Variants in LSR observed in about 807,000 individuals in gnomAD.
The protein encoded by LSR is lipolysis-stimulated lipoprotein receptor.
LSR carries 44 observed loss-of-function variants against 61.8 expected under a neutral mutation model. The observed-to-expected ratio is 0.71, with a 90% confidence interval of 0.56 to 0.91. The LOEUF is 0.91. Ranked by LOEUF, LSR falls within the 40% of genes least tolerant of loss-of-function variation. The probability of loss-of-function intolerance (pLI) is 0.00; values close to 1 mark genes in which losing one functional copy is unlikely to be tolerated. For synonymous variants in LSR, 397 were observed against 350.6 expected, an observed-to-expected ratio of 1.13 and a Z score of -1.48; for missense variants, 911 against 830.5, an observed-to-expected ratio of 1.10 and a Z score of -1.19.
intron 2 of LSR, among the ~76,000 whole-genome samples, chr19:35,252,604 G>A (rs1244151299): frequency 3.6e-5 from 5 of 138,376 alleles, no homozygotes; most frequent in South Asian, 2.5e-4. Flanking sequence ...AGCTGAGATC[G>A]CACCACTGTA....
rs758912303 is a variant in LSR, at chr19:35,266,540, C to G, written c.952+8C>G. The G allele has an allele frequency of 6.3e-7, 1 of 1,598,258 alleles. No homozygotes were observed. The highest frequency in any genetic ancestry group is 1.3e-5 in the African/African-American group (1 of 74,706). On this transcript the variant is annotated splice_region_variant and intron_variant, in intron 6 of 9. Transcript: ENST00000605618. ...TTGACAGGAGTAGCTCAGGTGAGGC[C>G]GGGGGAAGCAGGAACAGCTGGTGGG...
chr19:35,250,290 T>C, intron 1 of LSR, 25 bp from the exon 2 acceptor site: 1 of 1,490,130 alleles, frequency 6.7e-7, no homozygotes, highest in Non-Finnish European at 9.0e-7. Context: ...ACAGCAACCC[T>C]TGCTGTCTCT....
At position 35,249,003 on chromosome 19, in the gene LSR, G is replaced by T; in HGVS notation, c.-20G>T. 1 of 1,609,888 alleles carries T rather than the reference G, an allele frequency of 6.2e-7. No homozygotes were observed. Among genetic ancestry groups the T allele is most frequent in the Non-Finnish European group, 8.5e-7 (1 of 1,178,374 alleles). ...TACTTTGGAAGGGACGCGCGGGCCAGACGCGCCCAGACGGCCGCGATGGCG... is the reference window on the plus strand; with the variant it reads ...TACTTTGGAAGGGACGCGCGGGCCATACGCGCCCAGACGGCCGCGATGGCG... On this transcript the variant is annotated 5_prime_UTR_variant, in exon 1 of 10. Coordinates refer to ENST00000605618, the MANE Select transcript of LSR (RefSeq NM_205834.4).
At chr19:35,266,992 G>C in intron 8 of LSR, 25 bp downstream of exon 8, 1 of 1,594,526 alleles carries the variant, frequency 6.3e-7, no homozygotes, top group Non-Finnish European at 8.5e-7. Flanking sequence ...TGGGGTCTGA[G>C]GGCTTTTAAG....
chr19:35,259,806 A>C (rs115242360), intron 3 of LSR, among the ~76,000 whole-genome samples: 5 of 152,340 alleles, frequency 3.3e-5, no homozygotes, highest in African/African-American at 1.2e-4. Context: ...ATGGCGCTGC[A>C]TGGCACACAC....
chr19:35,260,735 G>A (rs1452531574), intron 3 of LSR, among the ~76,000 whole-genome samples: 1 of 152,096 alleles, frequency 6.6e-6, no homozygotes, highest in African/African-American at 2.4e-5. Context: ...GCTGAGGCAG[G>A]AGTATCGCTT....
At chr19:35,259,729 C>A (rs1568444311) in intron 3 of LSR, among the ~76,000 whole-genome samples, 1 of 152,218 alleles carries the variant, frequency 6.6e-6, no homozygotes, top group Non-Finnish European at 1.5e-5. Context: ...CTTGCTACAT[C>A]CCCAAGGCCT....
rs747210434 is a variant in LSR at position 35,261,985 on chromosome 19, C to CG, written c.631+10dup. 2.2e-5 allele frequency: 34 copies of CG among 1,517,168 alleles called. No individual in the cohort carries two copies. The highest frequency in any genetic ancestry group is 2.6e-5 in the Admixed American group (1 of 38,042). The allele number at this position is 1,517,168 out of a possible 1,614,324, so 94.0% of individuals were successfully genotyped here. ...TTTCAGGCGGGGCCCATAGAAGGTA[C>CG]GGGGGGTGGATCCTGAGTTGGGCTT... On this transcript the variant is annotated splice_donor_region_variant and intron_variant, in intron 4 of 9. Transcript: ENST00000605618.
At chr19:35,262,299 G>A (rs1196123247) in intron 4 of LSR, among the ~76,000 whole-genome samples, 3 of 152,102 alleles carry the variant, frequency 2.0e-5, no homozygotes, top group African/African-American at 7.2e-5. Context: ...AGGCTGCCTC[G>A]TTTTCTGCCT....
chr19:35,260,129 C>T (rs758426544), intron 3 of LSR, among the ~76,000 whole-genome samples: 8 of 152,134 alleles, frequency 5.3e-5, no homozygotes, highest in East Asian at 1.9e-4. Flanking sequence ...GCCTGTTCTT[C>T]GGTAAAATGC....
chr19:35,267,886 A>ATT lies in LSR; in HGVS notation c.*37_*38dup. 5 of 1,321,946 alleles carry ATT rather than the reference A, an allele frequency of 3.8e-6. No homozygotes were observed. The highest frequency in any genetic ancestry group is 2.7e-5 in the East Asian group (1 of 36,638). The allele number at this position is 1,321,946 out of a possible 1,614,324, so 81.9% of individuals were successfully genotyped here. A position where few individuals can be genotyped will look rare whatever the true frequency, so the allele number is the denominator to read the frequency against. The stretch of plus-strand genomic sequence containing the variant: ...CTGACGTTTTCTACGTAGCTTTTGT[A>ATT]TTTTTTTTTTTAATTTGAAGGAACA... On this transcript the variant is annotated 3_prime_UTR_variant, in exon 10 of 10. Coordinates refer to ENST00000605618, the MANE Select transcript of LSR (RefSeq NM_205834.4).
Position 35,267,337 on chromosome 19 carries a change from C to CAGT in LSR, c.1373_1374insAGT (p.Ala458_Glu459insVal), listed in dbSNP as rs751348143. The CAGT allele has an allele frequency of 2.5e-6, 4 of 1,572,460 alleles. No individual in the cohort carries two copies. Among genetic ancestry groups the CAGT allele is most frequent in the Non-Finnish European group, 3.4e-6 (4 of 1,159,558 alleles). Reference sequence around the variant, plus strand: ...GACGACCTCACCCCGCCGAGCACCGCCGAGTCAGGGAGCAGGTCTCCCACG... The same window carrying CAGT: ...GACGACCTCACCCCGCCGAGCACCGCAGTCGAGTCAGGGAGCAGGTCTCCCACG... On this transcript the variant is annotated inframe_insertion, in exon 9 of 10. Transcript: ENST00000605618.
chr19:35,250,122 C>G (rs1599587505), intron 1 of LSR, among the ~76,000 whole-genome samples, 193 bp from the exon 2 acceptor site: 1 of 152,164 alleles, frequency 6.6e-6, no homozygotes, highest in South Asian at 2.1e-4. Context: ...CCTGCCACTT[C>G]AGCCCCACGG....
In LSR at chr19:35,263,862, A is replaced by C. The variant is rs181510587; in HGVS notation, c.778+1170A>C. Among the ~76,000 whole-genome samples the C allele has an allele frequency of 5.4e-3, 819 of 151,922 alleles. 5 individuals carry two copies. Among genetic ancestry groups the C allele is most frequent in the Non-Finnish European group, 6.5e-3 (439 of 67,958 alleles). On this transcript the variant is annotated intron_variant, in intron 5 of 9. Transcript: ENST00000605618. ...CACTCTGTCGCCCAGGCTGGAGTAA[A>C]GTGGCGTGATCTCTGCTCACTGCAA...
intron 1 of LSR, 104 bp downstream of exon 1, chr19:35,249,235 G>C: frequency 2.2e-6 from 3 of 1,360,572 alleles, no homozygotes; most frequent in Non-Finnish European, 2.9e-6. Context: ...GGGTCTCAGA[G>C]GCTGGGACCT....
In LSR at chr19:35,267,539, C is replaced by T; in HGVS notation, c.1575C>T (p.Asp525=). ...GGTCCCACCACCACCGTACCCGGGA[C>T]CCTCGGGACAACGGCTCCAGGTCCG... ...DPRSHHHRTR[D]PRDNGSRSGD... is the part of the protein sequence containing the mutation. Residue 525 remains aspartate, a synonymous_variant, in exon 9 of 10, where the codon GAC becomes GAT. Transcript: ENST00000605618. The T allele has an allele frequency of 6.2e-7, 1 of 1,612,302 alleles. No homozygotes were observed. Among genetic ancestry groups the T allele is most frequent in the Non-Finnish European group, 8.5e-7 (1 of 1,179,770 alleles).
In LSR at chr19:35,267,952, C is replaced by T; in HGVS notation, c.*93C>T. On this transcript the variant is annotated 3_prime_UTR_variant, in exon 10 of 10. Transcript: ENST00000605618. ...CATACCCCTCCCGAGTCTAATAAAA[C>T]GTATAATCACAAGCTCTGGAGAGAA... is the stretch of plus-strand genomic sequence containing the variant. The T allele has an allele frequency of 2.1e-6, 3 of 1,445,686 alleles. No individual in the cohort carries two copies. The highest frequency in any genetic ancestry group is 2.3e-5 in the East Asian group (1 of 44,016). 89.6% of individuals were successfully genotyped at this position (1,445,686 alleles called of 1,614,324 possible). A position where few individuals can be genotyped will look rare whatever the true frequency, so the allele number is the denominator to read the frequency against.
chr19:35,267,954 T>A lies in LSR; in HGVS notation c.*95T>A, dbSNP rs2066052374. The stretch of plus-strand genomic sequence containing the variant: ...TACCCCTCCCGAGTCTAATAAAACG[T>A]ATAATCACAAGCTCTGGAGAGAACC... On this transcript the variant is annotated 3_prime_UTR_variant, in exon 10 of 10. Coordinates refer to ENST00000605618, the MANE Select transcript of LSR (RefSeq NM_205834.4). The A allele has an allele frequency of 6.9e-7, 1 of 1,439,036 alleles. No homozygotes were observed. Among genetic ancestry groups the A allele is most frequent in the South Asian group, 1.1e-5 (1 of 87,256 alleles). 89.1% of individuals were successfully genotyped at this position (1,439,036 alleles called of 1,614,324 possible). A position where few individuals can be genotyped will look rare whatever the true frequency, so the allele number is the denominator to read the frequency against.
At chr19:35,262,719 G>A in intron 5 of LSR, 27 bp downstream of exon 5, 1 of 1,607,530 alleles carries the variant, frequency 6.2e-7, no homozygotes, top group East Asian at 2.2e-5. Context: ...TGGCCACCCT[G>A]GTTTGGGCAA....
Sources: gnomAD v4.1 joint callset for allele counts (sites outside exome capture counted in the v4.1 genomes callset) on GRCh38, gnomAD v4.1.1 for gene constraint, MANE v1.5 for transcripts, NCBI Gene and HGNC (gene_info 2026-07-23, HGNC 2026-07-21) for gene names.